The following CALD1 variants were observed in gnomAD, a reference collection of about 807,000 sequenced individuals.
CALD1 encodes the protein caldesmon 1, also known as caldesmon.
Under a neutral mutation model 99.9 loss-of-function variants are expected in CALD1, and 33 were observed. The ratio of observed to expected loss-of-function variants is 0.33; its 90% CI spans 0.25 to 0.44. CALD1 has a LOEUF of 0.44. Ranked by LOEUF, CALD1 falls within the 20% of genes least tolerant of loss-of-function variation. The pLI is 1.00. For synonymous variants in CALD1, 310 were observed against 325.0 expected (o/e 0.95, Z 0.50); for missense variants, 861 against 962.1 (o/e 0.89, Z 1.39).
chr7:134,774,821 T>TA (rs1370847150), upstream of CALD1, among the ~76,000 whole-genome samples: 6 of 152,224 alleles, frequency 3.9e-5, no homozygotes, highest in Non-Finnish European at 7.3e-5. Flanking sequence ...CATCTGGACT[T>TA]ATGCTAATTC....
intron 3 of CALD1, among the ~76,000 whole-genome samples, chr7:134,873,080 G>A (rs891088757): frequency 6.6e-6 from 1 of 151,904 alleles, no homozygotes; most frequent in Admixed American, 6.6e-5. Context: ...CCAGCTACTC[G>A]GGAAGCTGAG....
intron 13 of CALD1, 145 bp downstream of exon 13, chr7:134,960,773 A>G: frequency 1.6e-6 from 1 of 607,816 alleles, no homozygotes; most frequent in East Asian, 2.8e-5. Context: ...GAAAGTGTTC[A>G]GATTTACAAC....
chr7:134,864,347 C>CA (rs71172479), intron 2 of CALD1, among the ~76,000 whole-genome samples: 72,534 of 126,762 alleles, frequency 0.57, 20,556 homozygotes, highest in East Asian at 0.8. Flanking sequence ...AACTCCATCT[C>CA]AAAAAAAAAA....
At chr7:134,841,357 TCTAA>T (rs1799641332) in intron 1 of CALD1, among the ~76,000 whole-genome samples, 1 of 152,234 alleles carries the variant, frequency 6.6e-6, no homozygotes, top group Non-Finnish European at 1.5e-5. Flanking sequence ...ACTAGCTCAT[TCTAA>T]CTAAAACCCA....
At chr7:134,850,902 C>T (rs769760863) in intron 2 of CALD1, among the ~76,000 whole-genome samples, 2 of 152,116 alleles carry the variant, frequency 1.3e-5, no homozygotes, top group Non-Finnish European at 2.9e-5. Flanking sequence ...CTCACAAGAT[C>T]TGATGGTTTT....
upstream of CALD1, among the ~76,000 whole-genome samples, chr7:134,739,494 T>C (rs1796575479): frequency 6.6e-6 from 1 of 152,206 alleles, no homozygotes; most frequent in African/African-American, 2.4e-5. Context: ...ACTTTCTGGT[T>C]TTGCTGGGCA....
chr7:134,808,267 A>AT (rs35027860), intron 1 of CALD1, among the ~76,000 whole-genome samples: 98,752 of 149,164 alleles, frequency 0.66, 32,863 homozygotes, highest in East Asian at 0.93. Flanking sequence ...TGCTGGGCTA[A>AT]TTTTTTTTTT....
intron 3 of CALD1, among the ~76,000 whole-genome samples, chr7:134,873,042 C>T (rs1801172254): frequency 6.6e-6 from 1 of 152,000 alleles, no homozygotes; most frequent in Non-Finnish European, 1.5e-5. Context: ...AAAAAATTCG[C>T]TGGGCATAGT....
intron 14 of CALD1, among the ~76,000 whole-genome samples, chr7:134,967,324 G>A (rs1009344348): frequency 2.6e-5 from 4 of 152,092 alleles, no homozygotes; most frequent in Admixed American, 6.5e-5. Flanking sequence ...TTATGAGGTA[G>A]CAGATTAGGT....
chr7:134,719,588 G>A, the CALD1 span, among the ~76,000 whole-genome samples: 5 of 152,204 alleles, frequency 3.3e-5, no homozygotes, highest in East Asian at 1.9e-4. Flanking sequence ...GAAAGAAACC[G>A]GTAGTTTGCG....
chr7:134,886,340 G>A (rs1801849982), intron 3 of CALD1, among the ~76,000 whole-genome samples: 1 of 152,170 alleles, frequency 6.6e-6, no homozygotes, highest in Non-Finnish European at 1.5e-5. Flanking sequence ...ATTCAGAGAA[G>A]CAAAAGGAGT....
intron 3 of CALD1, among the ~76,000 whole-genome samples, chr7:134,884,693 G>C (rs1030350789): frequency 6.0e-5 from 9 of 150,770 alleles, no homozygotes; most frequent in African/African-American, 2.2e-4. Flanking sequence ...ACTGACCTTG[G>C]TGCAGCGTCT....
chr7:134,929,614 A>ATGTG, intron 4 of CALD1, among the ~76,000 whole-genome samples: 1 of 21,878 alleles, frequency 4.6e-5, no homozygotes, highest in East Asian at 7.9e-3. Flanking sequence ...TGGTGTGTGT[A>ATGTG]TATATACGTG....
In CALD1 at chr7:134,804,073, T is replaced by G. The variant is rs1181611189; in HGVS notation, c.-130+24324T>G. Among the ~76,000 whole-genome samples the G allele has an allele frequency of 4.6e-5, 7 of 152,262 alleles. No individual in the cohort carries two copies. In the East Asian group the frequency reaches 5.8e-4, roughly 13 times the overall value. On this transcript the variant is annotated intron_variant, in intron 1 of 14. Coordinates refer to ENST00000361675, the MANE Select transcript of CALD1 (RefSeq NM_033138.4). Reference sequence around the variant, plus strand: ...TTTTCTTGCAAATACCAAACTGTCTTGATTACTGTGGCTTCATTAATGTTA... The same window carrying G: ...TTTTCTTGCAAATACCAAACTGTCTGGATTACTGTGGCTTCATTAATGTTA...
chr7:134,897,821 C>T (rs942882179), intron 3 of CALD1, among the ~76,000 whole-genome samples: 1 of 152,154 alleles, frequency 6.6e-6, no homozygotes, highest in African/African-American at 2.4e-5. Context: ...ATCCTCCTGC[C>T]TCAGCCTCCC....
At chr7:134,894,071 T>A (rs1368767458) in intron 3 of CALD1, among the ~76,000 whole-genome samples, 4 of 152,200 alleles carry the variant, frequency 2.6e-5, no homozygotes, top group African/African-American at 9.7e-5. Context: ...TGACTGCACC[T>A]ATAAAGATAA....
At chr7:134,927,760 A>C (rs966321605) in intron 3 of CALD1, among the ~76,000 whole-genome samples, 1 of 151,022 alleles carries the variant, frequency 6.6e-6, no homozygotes, top group Non-Finnish European at 1.5e-5. Flanking sequence ...CCCCTTCAAA[A>C]TGCACTGACT....
intron 2 of CALD1, among the ~76,000 whole-genome samples, chr7:134,850,556 A>G (rs994069946): frequency 6.6e-6 from 1 of 152,234 alleles, no homozygotes; most frequent in Non-Finnish European, 1.5e-5. Flanking sequence ...TGCTTGGTAC[A>G]TAGTAAGTGC....
Position 134,765,187 on chromosome 7 carries a change from C to T in CALD1, c.-130+20824C>T, listed in dbSNP as rs180790072. Among the ~76,000 whole-genome samples, 71 of 151,926 alleles carry T rather than the reference C, an allele frequency of 4.7e-4. 1 individual carries two copies. The highest frequency in any genetic ancestry group is 4.1e-3 in the Admixed American group (62 of 15,264). On this transcript the variant is annotated intron_variant, in intron 1 of 13. Transcript: ENST00000417172. ...AAAATTAGCCGAGTGTGGTGGTGCACGCCTGTAATCCCAGTTACTCTGGAG... is the reference window on the plus strand; with the variant it reads ...AAAATTAGCCGAGTGTGGTGGTGCATGCCTGTAATCCCAGTTACTCTGGAG...
Sources: allele counts gnomAD v4.1 joint callset (sites outside exome capture counted in the v4.1 genomes callset), GRCh38; gene constraint gnomAD v4.1.1; transcripts MANE v1.5; gene names NCBI Gene and HGNC (gene_info 2026-07-23, HGNC 2026-07-21).